Variants in ARHGEF37 observed in about 807,000 individuals in gnomAD.
ARHGEF37 encodes the protein Rho guanine nucleotide exchange factor (GEF) 37.
In ARHGEF37, 55 loss-of-function variants were observed where a neutral mutation model predicts 71.1. That is an observed-to-expected ratio of 0.77 (90% CI 0.62 to 0.97). The LOEUF is 0.97. Among genes scored for constraint, ARHGEF37 ranks in the 50% least tolerant of loss-of-function variants. The probability of loss-of-function intolerance (pLI) is 0.00; values close to 1 mark genes in which losing one functional copy is unlikely to be tolerated. For synonymous variants in ARHGEF37, 327 were observed against 350.6 expected, an observed-to-expected ratio of 0.93 and a Z score of 0.75; for missense variants, 765 against 836.8, an observed-to-expected ratio of 0.91 and a Z score of 1.06.
upstream of ARHGEF37, among the ~76,000 whole-genome samples, chr5:149,579,444 A>C (rs1210701933): frequency 6.6e-6 from 1 of 152,168 alleles, no homozygotes; most frequent in Non-Finnish European, 1.5e-5. Flanking sequence ...ATCAAAATTG[A>C]AGAGAACCTT....
In ARHGEF37 at chr5:149,553,322, C is replaced by A. The variant is rs150209742; in HGVS notation, c.-12+1199C>A. On this transcript the variant is annotated intron_variant, in intron 1 of 2. Transcript: ENST00000505810. ...GGCTGAGGCAGGAGAATCGCTTGAA[C>A]CTGGGAGGCAGAGGTTACAGTGAGC... is the stretch of plus-strand genomic sequence containing the variant. Among the ~76,000 whole-genome samples, 678 of 152,170 alleles carry A rather than the reference C, an allele frequency of 4.5e-3. 20 individuals are homozygous for A. Among genetic ancestry groups the A allele is most frequent in the East Asian group, 0.043 (220 of 5,170 alleles).
At chr5:149,565,688 G>C (rs1354654158) in intron 1 of ARHGEF37, among the ~76,000 whole-genome samples, 1 of 152,114 alleles carries the variant, frequency 6.6e-6, no homozygotes, top group African/African-American at 2.4e-5. Context: ...GAACAAAAAA[G>C]ATAGCCCCAG....
chr5:149,631,825 A>G (rs1284144859), intron 12 of ARHGEF37, among the ~76,000 whole-genome samples, 157 bp from the exon 13 acceptor site: 2 of 152,236 alleles, frequency 1.3e-5, no homozygotes, highest in African/African-American at 4.8e-5. Flanking sequence ...AGATGCAGTC[A>G]TTGCCTTTAG....
rs1163730003 is a variant in ARHGEF37 at position 149,598,245 on chromosome 5, A to G, written c.186+290A>G. Among the ~76,000 whole-genome samples, 4 of 143,294 alleles carry G rather than the reference A, an allele frequency of 2.8e-5. No individual in the cohort carries two copies. In the East Asian group the frequency reaches 6.4e-4, roughly 23 times the overall value. 94.0% of individuals were successfully genotyped at this position (143,294 alleles called of 152,430 possible). On this transcript the variant is annotated intron_variant, in intron 2 of 12. Transcript: ENST00000333677. Reference sequence around the variant, plus strand: ...TGAACAAGCCCTTTTCAAGTTTGGAACAGATTGCTTAAACTGACTCTTCTT... The same window carrying G: ...TGAACAAGCCCTTTTCAAGTTTGGAGCAGATTGCTTAAACTGACTCTTCTT...
chr5:149,603,717 C>T (rs988583903), intron 3 of ARHGEF37, among the ~76,000 whole-genome samples: 5 of 152,154 alleles, frequency 3.3e-5, no homozygotes, highest in Non-Finnish European at 7.3e-5. Flanking sequence ...GGGCAAATCA[C>T]CTGAGGTCAA....
intron 1 of ARHGEF37, among the ~76,000 whole-genome samples, chr5:149,590,758 G>A (rs755039545): frequency 6.6e-6 from 1 of 151,850 alleles, no homozygotes; most frequent in Non-Finnish European, 1.5e-5. Flanking sequence ...CACCACACCC[G>A]GCTAATTTTT....
rs1338436269 is a variant in ARHGEF37, at chr5:149,552,420, G to A, written c.-12+297G>A. ...GTTTTGTTTTACAAAATTTGACCTG[G>A]GAAAATTGGGCTTAGTAATAATAAT... is the stretch of plus-strand genomic sequence containing the variant. On this transcript the variant is annotated intron_variant, in intron 1 of 2. Transcript: ENST00000505810. Among the ~76,000 whole-genome samples, 5 of 151,998 alleles carry A rather than the reference G, an allele frequency of 3.3e-5. No individual in the cohort carries two copies. In the East Asian group the frequency reaches 7.7e-4, roughly 23 times the overall value.
At chr5:149,612,475 A>G (rs1752225670) in intron 4 of ARHGEF37, among the ~76,000 whole-genome samples, 1 of 152,172 alleles carries the variant, frequency 6.6e-6, no homozygotes, top group East Asian at 1.9e-4. Flanking sequence ...CCTAAACCTG[A>G]CTTTCTTATT....
rs1173910217 is a variant in ARHGEF37 at position 149,634,224 on chromosome 5, G to A, written c.*2033G>A. On this transcript the variant is annotated 3_prime_UTR_variant, in exon 13 of 13. Coordinates refer to ENST00000333677, the MANE Select transcript of ARHGEF37 (RefSeq NM_001001669.3). ...CTTCCAATGTGCAGCCAGGGTTAGG[G>A]ACCTCTACCCTAGACACAAAGTATT... 6.6e-6 allele frequency: 1 copy of A among 152,182 alleles called. No individual in the cohort carries two copies. The highest frequency in any genetic ancestry group is 6.5e-5 in the Admixed American group (1 of 15,286). 9.4% of individuals were successfully genotyped at this position (152,182 alleles called of 1,614,324 possible).
intron 7 of ARHGEF37, among the ~76,000 whole-genome samples, chr5:149,619,325 G>T (rs1315079898): frequency 6.6e-6 from 1 of 152,216 alleles, no homozygotes; most frequent in Non-Finnish European, 1.5e-5. Context: ...AGCACCTAGA[G>T]CAGGGGAGAC....
At chr5:149,612,446 C>T (rs1385259277) in intron 4 of ARHGEF37, among the ~76,000 whole-genome samples, 3 of 152,136 alleles carry the variant, frequency 2.0e-5, no homozygotes, top group African/African-American at 2.4e-5. Context: ...GGATTACAGG[C>T]GTGAGCCATG....
chr5:149,596,525 G>A (rs773365303), intron 1 of ARHGEF37, among the ~76,000 whole-genome samples: 3 of 152,096 alleles, frequency 2.0e-5, no homozygotes, highest in African/African-American at 4.8e-5. Flanking sequence ...GGCTGGTCTC[G>A]AACTCCTGAC....
intron 1 of ARHGEF37, among the ~76,000 whole-genome samples, chr5:149,569,679 C>T (rs896396103): frequency 3.3e-5 from 5 of 151,600 alleles, no homozygotes; most frequent in East Asian, 1.9e-4. Flanking sequence ...TGCAGTGGCT[C>T]GGTCTTGGCT....
chr5:149,603,398 A>G (rs905794882), intron 3 of ARHGEF37, among the ~76,000 whole-genome samples: 2 of 152,188 alleles, frequency 1.3e-5, no homozygotes, highest in African/African-American at 4.8e-5. Context: ...GAGAGAGGCA[A>G]TAACCTGCTT....
At chr5:149,572,472 G>A (rs887757522) in intron 1 of ARHGEF37, among the ~76,000 whole-genome samples, 1 of 152,150 alleles carries the variant, frequency 6.6e-6, no homozygotes, top group Non-Finnish European at 1.5e-5. Flanking sequence ...GTAATATCAG[G>A]TGGAAGTATG....
intron 1 of ARHGEF37, among the ~76,000 whole-genome samples, chr5:149,573,410 G>C (rs551731450): frequency 6.6e-6 from 1 of 152,138 alleles, no homozygotes; most frequent in South Asian, 2.1e-4. Flanking sequence ...CTTTTTCTCT[G>C]GAGAACTCTA....
intron 5 of ARHGEF37, 63 bp from the exon 6 acceptor site, chr5:149,618,113 C>T (rs2113364886): frequency 1.2e-5 from 19 of 1,600,056 alleles, no homozygotes; most frequent in South Asian, 6.8e-5. Context: ...CGGGCATGTC[C>T]GTGACATCCA....
At chr5:149,630,942 T>C (rs927641207) in intron 12 of ARHGEF37, among the ~76,000 whole-genome samples, 2 of 152,218 alleles carry the variant, frequency 1.3e-5, no homozygotes, top group African/African-American at 4.8e-5. Flanking sequence ...GCTATGTATG[T>C]ATCAGGCACT....
At chr5:149,577,469 C>G (rs1166697972), upstream of ARHGEF37, among the ~76,000 whole-genome samples, 2 of 152,186 alleles carry the variant, frequency 1.3e-5, no homozygotes, top group Non-Finnish European at 1.5e-5. Flanking sequence ...CACAACTTAC[C>G]TCTTTCTTCT....
Sources: gnomAD v4.1 joint callset for allele counts (sites outside exome capture counted in the v4.1 genomes callset) on GRCh38, gnomAD v4.1.1 for gene constraint, MANE v1.5 for transcripts, NCBI Gene and HGNC (gene_info 2026-07-23, HGNC 2026-07-21) for gene names.